Variants in PACRG observed in about 807,000 individuals in gnomAD.
PACRG encodes the protein parkin coregulated gene protein.
A neutral mutation model predicts 29.7 loss-of-function variants in PACRG; 29 were observed. The observed-to-expected ratio is 0.98, with a 90% CI of 0.73 to 1.33. The LOEUF (loss-of-function observed/expected upper bound fraction) is 1.33. Ranked by LOEUF, PACRG falls within the 40% of genes most tolerant of loss-of-function variation. PACRG has a pLI of 0.00. For synonymous variants in PACRG, 116 were observed against 118.7 expected, an observed-to-expected ratio of 0.98 and a Z score of 0.15; for missense variants, 279 against 316.2, an observed-to-expected ratio of 0.88 and a Z score of 0.89.
rs979546199 is a variant in PACRG, at chr6:163,055,133, C to T, written c.292-7017C>T. 3.3e-5 allele frequency among the ~76,000 whole-genome samples: 5 copies of T among 152,174 alleles called. No individual in the cohort carries two copies. Among genetic ancestry groups the T allele is most frequent in the South Asian group, 2.1e-4 (1 of 4,824 alleles). On this transcript the variant is annotated intron_variant, in intron 2 of 4. Transcript: ENST00000366888. This position sits in a 1 kb window ranked among gnomAD's most constrained non-coding sequence, Gnocchi z 4.0. ...GGGAACGGGAATGAGGAAGCAAGGA[C>T]AGTGATGATAAAGAATTCTCTTGAA...
intron 2 of PACRG, among the ~76,000 whole-genome samples, chr6:162,885,689 G>A (rs755011732): frequency 7.9e-5 from 12 of 152,156 alleles, no homozygotes; most frequent in Non-Finnish European, 1.8e-4. Context: ...GAGCAGTATT[G>A]GCTAATTCAG....
At chr6:162,814,044 A>G (rs912319539) in intron 1 of PACRG, 103 bp from the exon 2 acceptor site, 4 of 1,246,048 alleles carry the variant, frequency 3.2e-6, no homozygotes, top group Non-Finnish European at 4.3e-6. Flanking sequence ...ATCTTCCAAC[A>G]TATTTATACA....
intron 4 of PACRG, among the ~76,000 whole-genome samples, chr6:163,256,520 A>T (rs1421863746): frequency 6.6e-6 from 1 of 152,238 alleles, no homozygotes; most frequent in Admixed American, 6.5e-5. Context: ...ACCTAAAGCC[A>T]GGTGGTTAGG....
intron 2 of PACRG, among the ~76,000 whole-genome samples, chr6:162,822,268 TGCAAAGCTCCATGTTA>T (rs1457638854): frequency 8.1e-4 from 124 of 152,336 alleles, no homozygotes; most frequent in Middle Eastern, 6.8e-3. Flanking sequence ...CATGTTTCTA[TGCAAAGCTCCATGTTA>T]GCAGGGATGC....
intron 4 of PACRG, among the ~76,000 whole-genome samples, chr6:163,275,545 A>G (rs1277590501): frequency 6.6e-6 from 1 of 152,200 alleles, no homozygotes; most frequent in Admixed American, 6.5e-5. Flanking sequence ...TTTGAAGAAC[A>G]GTCTTACTGG....
At chr6:162,903,618 C>T (rs1010469554) in intron 2 of PACRG, among the ~76,000 whole-genome samples, 1 of 152,110 alleles carries the variant, frequency 6.6e-6, no homozygotes, top group African/African-American at 2.4e-5. Context: ...GAAACTGCCC[C>T]CATGAGTCAG....
chr6:162,957,425 G>A, intron 2 of PACRG: 1 of 534,984 alleles, frequency 1.9e-6, no homozygotes, highest in Non-Finnish European at 3.5e-6. Flanking sequence ...ACCCCTCAAA[G>A]TCTGCCTGGG....
intron 4 of PACRG, among the ~76,000 whole-genome samples, chr6:163,224,069 C>A (rs1287223750): frequency 1.3e-5 from 2 of 151,950 alleles, no homozygotes; most frequent in Non-Finnish European, 2.9e-5. Flanking sequence ...CAACGTTGAG[C>A]AAAAAGAACA....
At position 162,989,771 on chromosome 6, in the gene PACRG, G is replaced by T. The variant is rs528917813; in HGVS notation, c.292-72379G>T. ...TTTTTATTATACTTTAAGTTTTAGG[G>T]TACATGTGCACATTGTGCAGGTTAG... is the stretch of plus-strand genomic sequence containing the variant. On this transcript the variant is annotated intron_variant, in intron 2 of 4. Transcript: ENST00000366888. Among the ~76,000 whole-genome samples the T allele has an allele frequency of 1.5e-3, 228 of 148,824 alleles. 1 individual carries two copies. Among genetic ancestry groups the T allele is most frequent in the African/African-American group, 5.4e-3 (216 of 40,216 alleles).
At chr6:162,731,188 A>G (rs1426921570) in intron 1 of PACRG, among the ~76,000 whole-genome samples, 4 of 152,152 alleles carry the variant, frequency 2.6e-5, no homozygotes, top group Non-Finnish European at 5.9e-5. Context: ...AGTGGTCCAA[A>G]ATACAAAACT....
chr6:163,067,517 A>G (rs548489035), intron 3 of PACRG, among the ~76,000 whole-genome samples: 2 of 152,362 alleles, frequency 1.3e-5, no homozygotes, highest in Admixed American at 1.3e-4. Context: ...TAGTATGCAT[A>G]TGAGGTACAA....
intron 4 of PACRG, among the ~76,000 whole-genome samples, chr6:163,168,903 G>A (rs1778941212): frequency 6.6e-6 from 1 of 151,354 alleles, no homozygotes; most frequent in Non-Finnish European, 1.5e-5. Flanking sequence ...CAGTCTGAAA[G>A]TTTGAAAGTT....
At chr6:162,918,586 G>A (rs1279057714) in intron 2 of PACRG, among the ~76,000 whole-genome samples, 1 of 152,100 alleles carries the variant, frequency 6.6e-6, no homozygotes, top group African/African-American at 2.4e-5. Flanking sequence ...ATTCAAGAAA[G>A]GGGGTGCGTG....
At chr6:163,067,427 T>C (rs1427619944) in intron 3 of PACRG, among the ~76,000 whole-genome samples, 1 of 152,236 alleles carries the variant, frequency 6.6e-6, no homozygotes, top group Non-Finnish European at 1.5e-5. Context: ...GATACTGCAT[T>C]GTTCATAATG....
At chr6:162,808,874 C>T in intron 1 of PACRG, among the ~76,000 whole-genome samples, 1 of 151,970 alleles carries the variant, frequency 6.6e-6, no homozygotes, top group East Asian at 1.9e-4. Context: ...ATAATATTTT[C>T]TCTTCTACAA....
chr6:163,202,671 A>C (rs9458750), intron 4 of PACRG, among the ~76,000 whole-genome samples: 60,680 of 152,002 alleles, frequency 0.4, 13,283 homozygotes, highest in African/African-American at 0.59. Flanking sequence ...CCTAGAGAGG[A>C]TTCTAGCAAA....
intron 4 of PACRG, among the ~76,000 whole-genome samples, chr6:163,129,703 C>G (rs1192899564): frequency 6.6e-6 from 1 of 152,136 alleles, no homozygotes; most frequent in African/African-American, 2.4e-5. Flanking sequence ...GCACGGACTC[C>G]ACCTCTTTCC....
At chr6:163,160,388 T>C (rs1356700850) in intron 4 of PACRG, among the ~76,000 whole-genome samples, 2 of 152,228 alleles carry the variant, frequency 1.3e-5, no homozygotes, top group Non-Finnish European at 2.9e-5. Flanking sequence ...GTGTGCTTAA[T>C]ATCCAGGATA....
intron 4 of PACRG, among the ~76,000 whole-genome samples, chr6:163,208,726 G>A (rs991438263): frequency 6.6e-6 from 1 of 152,074 alleles, no homozygotes; most frequent in East Asian, 1.9e-4. Flanking sequence ...CTTGGAGAAA[G>A]GAACACTTTA....
Sources: allele counts gnomAD v4.1 joint callset (sites outside exome capture counted in the v4.1 genomes callset), GRCh38; gene constraint gnomAD v4.1.1; non-coding constraint Gnocchi (gnomAD v3.1); transcripts MANE v1.5; gene names NCBI Gene and HGNC (gene_info 2026-07-23, HGNC 2026-07-21).